Variants in NPAS3 observed in about 807,000 individuals in gnomAD.
NPAS3 encodes neuronal PAS domain-containing protein 3.
In NPAS3, 14 loss-of-function variants were observed where a neutral mutation model predicts 73.1. That is an observed-to-expected ratio of 0.19 (90% CI 0.13 to 0.30). The LOEUF is 0.30. Ranked by LOEUF, NPAS3 falls within the 10% of genes least tolerant of loss-of-function variation. The probability of loss-of-function intolerance (pLI) is 1.00; values close to 1 mark genes in which losing one functional copy is unlikely to be tolerated. For synonymous variants in NPAS3, 620 were observed against 541.5 expected (o/e 1.14, Z -2.01); for missense variants, 1,096 against 1,250.0 (o/e 0.88, Z 1.86).
At chr14:33,360,814 T>A (rs1721532961) in intron 3 of NPAS3, among the ~76,000 whole-genome samples, 1 of 152,182 alleles carries the variant, frequency 6.6e-6, no homozygotes, top group Admixed American at 6.5e-5. Flanking sequence ...CTTGCATCTC[T>A]TGAGGATTTC....
intron 6 of NPAS3, among the ~76,000 whole-genome samples, chr14:33,683,375 C>G (rs11851725): frequency 1.8e-3 from 221 of 122,918 alleles, no homozygotes; most frequent in African/African-American, 6.8e-3. Context: ...TTGCAAGTTT[C>G]TACAATGAAA....
At chr14:33,560,380 G>C in intron 5 of NPAS3, 170 bp downstream of exon 5, 1 of 473,490 alleles carries the variant, frequency 2.1e-6, no homozygotes, top group Non-Finnish European at 3.8e-6. Context: ...TGTCAGTGTT[G>C]AACATTCAGA....
intron 3 of NPAS3, among the ~76,000 whole-genome samples, chr14:33,293,011 A>T (rs1246538371): frequency 6.6e-6 from 1 of 152,104 alleles, no homozygotes; most frequent in Non-Finnish European, 1.5e-5. Flanking sequence ...GAGTGTTTGG[A>T]TTATAATTTT....
intron 2 of NPAS3, among the ~76,000 whole-genome samples, chr14:33,064,195 A>G (rs1050234719): frequency 6.6e-6 from 1 of 152,214 alleles, no homozygotes; most frequent in African/African-American, 2.4e-5. Flanking sequence ...TTTCCTTATG[A>G]AAAATACATA....
chr14:33,026,038 G>A (rs1326162061), intron 1 of NPAS3, among the ~76,000 whole-genome samples: 1 of 152,084 alleles, frequency 6.6e-6, no homozygotes, highest in East Asian at 1.9e-4. Flanking sequence ...CTTCATTGAG[G>A]CCTTCACCGC....
chr14:33,478,059 C>T (rs1477535772), intron 4 of NPAS3, among the ~76,000 whole-genome samples: 1 of 152,056 alleles, frequency 6.6e-6, no homozygotes, highest in Non-Finnish European at 1.5e-5. Context: ...TGGCAACACT[C>T]GCATGCCCTC....
chr14:33,512,489 A>G (rs1291897491), intron 4 of NPAS3, among the ~76,000 whole-genome samples: 1 of 152,094 alleles, frequency 6.6e-6, no homozygotes, highest in East Asian at 1.9e-4. Context: ...AAAATATCTT[A>G]TAAATGACTC....
At chr14:33,448,971 G>A (rs2049657290) in intron 4 of NPAS3, among the ~76,000 whole-genome samples, 1 of 152,104 alleles carries the variant, frequency 6.6e-6, no homozygotes, top group South Asian at 2.1e-4. Flanking sequence ...AAAATAATTA[G>A]CAATGGAAAT....
chr14:33,590,171 T>TA (rs1211715611), intron 5 of NPAS3, among the ~76,000 whole-genome samples: 1 of 152,068 alleles, frequency 6.6e-6, no homozygotes, highest in Non-Finnish European at 1.5e-5. Flanking sequence ...ATTTGCTATG[T>TA]AAAAAAAGGC....
intron 2 of NPAS3, among the ~76,000 whole-genome samples, chr14:33,116,790 C>G (rs2043079922): frequency 6.7e-6 from 1 of 149,990 alleles, no homozygotes; most frequent in Non-Finnish European, 1.5e-5. Context: ...GACCTAGAAG[C>G]AGCACGCAAC....
At chr14:33,535,359 A>T (rs991177975) in intron 4 of NPAS3, among the ~76,000 whole-genome samples, 3 of 152,224 alleles carry the variant, frequency 2.0e-5, no homozygotes, top group Admixed American at 2.0e-4. Flanking sequence ...TAAAATGGAC[A>T]CTTGAGTAGG....
intron 5 of NPAS3, among the ~76,000 whole-genome samples, chr14:33,649,136 G>A (rs1389997866): frequency 1.3e-5 from 2 of 152,200 alleles, no homozygotes; most frequent in Admixed American, 6.5e-5. Flanking sequence ...TATAGGTTAT[G>A]TATTCATTCA....
At chr14:33,759,649 A>G (rs2062221242) in intron 7 of NPAS3, among the ~76,000 whole-genome samples, 1 of 152,220 alleles carries the variant, frequency 6.6e-6, no homozygotes, top group African/African-American at 2.4e-5. Flanking sequence ...AGTATAGGAA[A>G]AATAAAATGT....
chr14:33,781,331 C>T (rs2062973483), intron 9 of NPAS3, among the ~76,000 whole-genome samples: 1 of 152,128 alleles, frequency 6.6e-6, no homozygotes, highest in African/African-American at 2.4e-5. Context: ...ACATTAACAT[C>T]ATTATAAAGT....
At chr14:33,320,423 G>T (rs995963809) in intron 3 of NPAS3, among the ~76,000 whole-genome samples, 1 of 152,122 alleles carries the variant, frequency 6.6e-6, no homozygotes, top group Non-Finnish European at 1.5e-5. Context: ...GTGTACCCTA[G>T]AACTTAAAGT....
chr14:32,945,710 T>C (rs1223439117), intron 1 of NPAS3, among the ~76,000 whole-genome samples: 4 of 152,222 alleles, frequency 2.6e-5, no homozygotes, highest in African/African-American at 9.6e-5. Flanking sequence ...TAGTGAACGA[T>C]AGCCCTCTGT....
At position 33,561,595 on chromosome 14, in the gene NPAS3, CT is replaced by C. The variant is rs2055652701; in HGVS notation, c.558+1387del. Among the ~76,000 whole-genome samples the C allele has an allele frequency of 3.9e-5, 6 of 152,260 alleles. No individual in the cohort carries two copies. The South Asian group carries it at 1.2e-3, about 32-fold the overall frequency. Reference sequence around the variant, plus strand: ...TAATAGCCTTTAACAGACTTTAAGCCTTGTCTTAATCTGTCTGGGACCTAGT... The same window carrying C: ...TAATAGCCTTTAACAGACTTTAAGCCTGTCTTAATCTGTCTGGGACCTAGT... On this transcript the variant is annotated intron_variant, in intron 5 of 11. Coordinates refer to ENST00000356141, the Ensembl canonical transcript of NPAS3.
intron 2 of NPAS3, among the ~76,000 whole-genome samples, chr14:33,121,250 A>AT (rs1398829851): frequency 2.6e-5 from 4 of 151,844 alleles, no homozygotes; most frequent in African/African-American, 7.3e-5. Context: ...ATATCCTTTT[A>AT]TTTTTCACCT....
At chr14:33,013,550 A>G (rs2039287448) in intron 1 of NPAS3, among the ~76,000 whole-genome samples, 1 of 152,166 alleles carries the variant, frequency 6.6e-6, no homozygotes, top group Non-Finnish European at 1.5e-5. Context: ...ACAGAAATAT[A>G]ACCATTTAAA....
Sources: gnomAD v4.1 joint callset for allele counts (sites outside exome capture counted in the v4.1 genomes callset) on GRCh38, gnomAD v4.1.1 for gene constraint, MANE v1.5 for transcripts, NCBI Gene and HGNC (gene_info 2026-07-23, HGNC 2026-07-21) for gene names.